The following ALPK1 variants were observed in gnomAD, a reference collection of about 807,000 sequenced individuals.
The protein encoded by ALPK1 is alpha kinase 1, also known as alpha-protein kinase 1.
ALPK1 carries 110 observed loss-of-function variants against 120.6 expected under a neutral mutation model. That is an observed-to-expected ratio of 0.91 (90% CI 0.78 to 1.07). The LOEUF (loss-of-function observed/expected upper bound fraction) is 1.07, where lower values mean the gene tolerates loss of function less well. Among genes scored for constraint, ALPK1 ranks in the 50% least tolerant of loss-of-function variants. The pLI, the probability that ALPK1 is intolerant of heterozygous loss-of-function variation, is 0.00. For synonymous variants in ALPK1, 582 were observed against 560.3 expected (o/e 1.04, Z -0.55); for missense variants, 1,498 against 1,483.9 (o/e 1.01, Z -0.16).
chr4:112,339,424 CAAT>C (rs1229944707), intron 2 of ALPK1, among the ~76,000 whole-genome samples: 3 of 152,076 alleles, frequency 2.0e-5, no homozygotes, highest in Non-Finnish European at 4.4e-5. Flanking sequence ...AATTTTTACA[CAAT>C]AATTATTTTC....
At chr4:112,423,638 G>C in intron 5 of ALPK1, 1 of 496,900 alleles carries the variant, frequency 2.0e-6, no homozygotes, top group Admixed American at 2.6e-5. Flanking sequence ...AGGCGGCACA[G>C]CCTGTTAGAA....
chr4:112,327,372 G>A (rs1315771257), intron 2 of ALPK1, among the ~76,000 whole-genome samples: 2 of 152,180 alleles, frequency 1.3e-5, no homozygotes, highest in African/African-American at 4.8e-5. Flanking sequence ...TTCAGTAAAT[G>A]GTGGGTACTG....
At chr4:112,409,595 C>A (rs1215179096) in intron 4 of ALPK1, among the ~76,000 whole-genome samples, 1 of 151,998 alleles carries the variant, frequency 6.6e-6, no homozygotes, top group Non-Finnish European at 1.5e-5. Flanking sequence ...TGTAGGGCGG[C>A]TTACTAGACA....
intron 1 of ALPK1, among the ~76,000 whole-genome samples, chr4:112,311,831 G>A (rs1243415537): frequency 6.6e-6 from 1 of 152,230 alleles, no homozygotes; most frequent in African/African-American, 2.4e-5. Context: ...GTGTTAAGTA[G>A]GTCGGGGCAG....
intron 1 of ALPK1, among the ~76,000 whole-genome samples, chr4:112,302,651 T>C (rs1727839574): frequency 6.6e-6 from 1 of 152,204 alleles, no homozygotes; most frequent in Non-Finnish European, 1.5e-5. Flanking sequence ...CCCCTTCCTT[T>C]TTCCTCTTTC....
chr4:112,351,648 G>A (rs4833402), intron 2 of ALPK1, among the ~76,000 whole-genome samples: 110,075 of 151,782 alleles, frequency 0.73, 40,282 homozygotes, highest in Middle Eastern at 0.82. Flanking sequence ...TAATTTTTGT[G>A]TTTTTAGTAG....
chr4:112,386,764 C>A (rs1451954224), intron 4 of ALPK1, among the ~76,000 whole-genome samples: 3 of 152,120 alleles, frequency 2.0e-5, no homozygotes, highest in Admixed American at 6.5e-5. Context: ...AGAGGGGGAA[C>A]CTTTTTTGTT....
chr4:112,386,748 G>A (rs556869665), intron 4 of ALPK1, among the ~76,000 whole-genome samples: 9 of 152,206 alleles, frequency 5.9e-5, no homozygotes. Flanking sequence ...TTGTACTGTG[G>A]GAAAAAGAGG....
chr4:112,354,729 A>C (rs1730522457), intron 2 of ALPK1, among the ~76,000 whole-genome samples: 1 of 152,106 alleles, frequency 6.6e-6, no homozygotes, highest in Non-Finnish European at 1.5e-5. Flanking sequence ...CCGCCTCCCA[A>C]AGTGCTGGGA....
rs1479409833 is a variant in ALPK1 at position 112,432,194 on chromosome 4, C to T, written c.2647C>T (p.Gln883Ter). 1.2e-6 allele frequency: 2 copies of T among 1,614,178 alleles called. No homozygotes were observed. Among genetic ancestry groups the T allele is most frequent in the Admixed American group, 3.3e-5 (2 of 60,028 alleles). ...RLCILRQPPGQRAETPNSSVS... is the reference protein window; with the variant it reads ...RLCILRQPPG Reference sequence around the variant, plus strand: ...GTGCATTCTGAGACAGCCGCCTGGTCAGAGGGCGGAGACCCCCAATTCCTC... The same window carrying T: ...GTGCATTCTGAGACAGCCGCCTGGTTAGAGGGCGGAGACCCCCAATTCCTC... Residue 883 changes from glutamine (Q) to a stop codon, truncating the protein, a stop_gained, in exon 11 of 16, where the codon CAG becomes TAG. Coordinates refer to ENST00000650871, the MANE Select transcript of ALPK1 (RefSeq NM_025144.4). LOFTEE classifies it high-confidence loss of function.
At chr4:112,408,884 A>T (rs1164834295) in intron 4 of ALPK1, among the ~76,000 whole-genome samples, 1 of 152,176 alleles carries the variant, frequency 6.6e-6, no homozygotes, top group Non-Finnish European at 1.5e-5. Flanking sequence ...TTCTGGTTGG[A>T]AGGAACAGAA....
intron 2 of ALPK1, among the ~76,000 whole-genome samples, chr4:112,362,556 A>G (rs1730960172): frequency 6.6e-6 from 1 of 152,226 alleles, no homozygotes; most frequent in African/African-American, 2.4e-5. Context: ...TTAAAAAAAA[A>G]TGAACAGAGA....
chr4:112,348,905 T>A (rs1487456302), intron 2 of ALPK1, among the ~76,000 whole-genome samples: 1 of 152,214 alleles, frequency 6.6e-6, no homozygotes, highest in African/African-American at 2.4e-5. Flanking sequence ...TGAGGGGCTG[T>A]GGGTGTTTCT....
intron 13 of ALPK1, 56 bp downstream of exon 13, chr4:112,438,702 T>C (rs1024806369): frequency 6.4e-7 from 1 of 1,562,946 alleles, no homozygotes; most frequent in Non-Finnish European, 8.7e-7. Context: ...TGAATATCAA[T>C]TAATCTGAGT....
At chr4:112,315,473 G>A (rs1256661083) in intron 1 of ALPK1, among the ~76,000 whole-genome samples, 2 of 152,184 alleles carry the variant, frequency 1.3e-5, no homozygotes, top group African/African-American at 2.4e-5. Context: ...TATGGTTGAA[G>A]TTTAAGGAGA....
chr4:112,354,611 G>C (rs975173863), intron 2 of ALPK1, among the ~76,000 whole-genome samples: 2 of 152,094 alleles, frequency 1.3e-5, no homozygotes, highest in African/African-American at 4.8e-5. Flanking sequence ...AGGATTACAA[G>C]CATGAGCCAC....
Position 112,414,459 on chromosome 4 carries a change from T to C in ALPK1, c.475+2434T>C, listed in dbSNP as rs111447803. The C allele has an allele frequency of 2.4e-3, 844 of 351,850 alleles. 6 individuals are homozygous for C. Among genetic ancestry groups the C allele is most frequent in the African/African-American group, 0.017 (785 of 47,188 alleles). The allele number at this position is 351,850 out of a possible 1,614,324, so 21.8% of individuals were successfully genotyped here. ...CCATCTCTACTGAAAACTACAAAAA[T>C]TAGCCAGGCGTGGTGGCAGCCGCCT... On this transcript the variant is annotated intron_variant, in intron 5 of 15. Coordinates refer to ENST00000650871, the MANE Select transcript of ALPK1 (RefSeq NM_025144.4).
At chr4:112,400,138 G>A (rs1732841559) in intron 4 of ALPK1, among the ~76,000 whole-genome samples, 1 of 152,178 alleles carries the variant, frequency 6.6e-6, no homozygotes, top group Non-Finnish European at 1.5e-5. Context: ...TGGGTCAAAT[G>A]ATATTTCTGG....
intron 2 of ALPK1, chr4:112,358,478 CT>C: frequency 3.0e-6 from 2 of 674,704 alleles, no homozygotes; most frequent in South Asian, 1.7e-5. Context: ...CCTGCACGTC[CT>C]TAGCCTGAAG....
Sources: allele counts gnomAD v4.1 joint callset (sites outside exome capture counted in the v4.1 genomes callset), GRCh38; gene constraint gnomAD v4.1.1; transcripts MANE v1.5; gene names NCBI Gene and HGNC (gene_info 2026-07-23, HGNC 2026-07-21).